The following PCDHA8 variants were observed in gnomAD, a reference collection of about 807,000 sequenced individuals.
PCDHA8 encodes protocadherin alpha 8, also known as protocadherin alpha-8.
A neutral mutation model predicts 61.8 loss-of-function variants in PCDHA8; 53 were observed. The observed-to-expected ratio is 0.86, with a 90% CI of 0.69 to 1.08. The LOEUF (loss-of-function observed/expected upper bound fraction) is 1.08. Ranked by LOEUF, PCDHA8 falls within the 50% of genes least tolerant of loss-of-function variation. PCDHA8 has a pLI of 0.00. For missense variants in PCDHA8, 1,293 were observed against 1,245.0 expected (o/e 1.04, Z -0.58); for synonymous variants, 618 against 556.6 (o/e 1.11, Z -1.55).
At chr5:140,938,187 C>T (rs1584944424) in intron 1 of PCDHA8, among the ~76,000 whole-genome samples, 1 of 152,158 alleles carries the variant, frequency 6.6e-6, no homozygotes, top group Admixed American at 6.5e-5. Context: ...CTCAAGCAAT[C>T]CTCCCACGCC....
intron 1 of PCDHA8, chr5:140,929,479 A>G (rs2086187931): frequency 4.2e-6 from 5 of 1,193,216 alleles, no homozygotes; most frequent in Admixed American, 3.2e-5. Context: ...CTGGAAGTAT[A>G]GAAGTATTAG....
intron 1 of PCDHA8, chr5:140,870,013 A>C: frequency 6.2e-7 from 1 of 1,613,716 alleles, no homozygotes; most frequent in Non-Finnish European, 8.5e-7. Context: ...AGTGAGGGTC[A>C]ATGGAACTTT....
At chr5:140,850,951 T>C in intron 1 of PCDHA8, 1 of 1,500,264 alleles carries the variant, frequency 6.7e-7, no homozygotes. Flanking sequence ...TATTATCGAT[T>C]ACTCCCAGGG....
intron 3 of PCDHA8, among the ~76,000 whole-genome samples, chr5:141,008,970 G>A (rs147776833): frequency 6.6e-6 from 1 of 152,236 alleles, no homozygotes; most frequent in East Asian, 1.9e-4. Flanking sequence ...TACATTTATA[G>A]CCAAAGTTTA....
At chr5:140,852,896 T>G (rs1554146161) in intron 1 of PCDHA8, 1 of 852,356 alleles carries the variant, frequency 1.2e-6, no homozygotes, top group African/African-American at 1.8e-5. Flanking sequence ...TTTTTTTTTT[T>G]GAGTCAGAGT....
intron 1 of PCDHA8, among the ~76,000 whole-genome samples, chr5:140,909,044 T>C (rs538559353): frequency 6.6e-6 from 1 of 152,336 alleles, no homozygotes; most frequent in South Asian, 2.1e-4. Context: ...TTCCATACTC[T>C]GGCATGCAAA....
chr5:141,001,360 A>G (rs1432580617), intron 3 of PCDHA8, among the ~76,000 whole-genome samples: 2 of 152,212 alleles, frequency 1.3e-5, no homozygotes, highest in Non-Finnish European at 2.9e-5. Flanking sequence ...GTTTAAGCCT[A>G]CTATTCTGAT....
rs149656802 is a variant in PCDHA8, at chr5:141,008,452, C to T, written c.2543-1175C>T. ...TTTGCCCAGACAGACCATTACCCTTCCTCTCCAGCTCTGACTTCTACTCTT... is the reference window on the plus strand; with the variant it reads ...TTTGCCCAGACAGACCATTACCCTTTCTCTCCAGCTCTGACTTCTACTCTT... On this transcript the variant is annotated intron_variant, in intron 3 of 3. Coordinates refer to ENST00000531613, the MANE Select transcript of PCDHA8 (RefSeq NM_018911.3). Among the ~76,000 whole-genome samples, 286 of 152,284 alleles carry T rather than the reference C, an allele frequency of 1.9e-3. 2 individuals carry two copies. Among genetic ancestry groups the T allele is most frequent in the African/African-American group, 6.5e-3 (272 of 41,548 alleles).
rs145919251 is a variant in PCDHA8, at chr5:140,979,502, C to T, written c.2453+495C>T. On this transcript the variant is annotated intron_variant, in intron 2 of 3. Coordinates refer to ENST00000531613, the MANE Select transcript of PCDHA8 (RefSeq NM_018911.3). Reference sequence around the variant, plus strand: ...GTGTTCACACCTATTAGAGCCTCCTCATCTTTCCCATCTGTTGCTATCTTA... The same window carrying T: ...GTGTTCACACCTATTAGAGCCTCCTTATCTTTCCCATCTGTTGCTATCTTA... 1.1e-3 allele frequency among the ~76,000 whole-genome samples: 170 copies of T among 152,258 alleles called. 4 individuals are homozygous for T. In the East Asian group the frequency reaches 0.028, roughly 25 times the overall value.
intron 1 of PCDHA8, chr5:140,876,854 C>CA (rs1554169042): frequency 6.2e-7 from 1 of 1,613,994 alleles, no homozygotes; most frequent in Non-Finnish European, 8.5e-7. Context: ...CCCGAGTACA[C>CA]AGTGTTCGTG....
At chr5:140,877,311 G>A (rs200978234) in intron 1 of PCDHA8, 2 of 1,613,852 alleles carry the variant, frequency 1.2e-6, no homozygotes, top group Admixed American at 3.3e-5. Flanking sequence ...AGTTGCAACC[G>A]GCGGCGGTCG....
chr5:140,976,505 C>A (rs538128648), intron 1 of PCDHA8, among the ~76,000 whole-genome samples: 1 of 152,004 alleles, frequency 6.6e-6, no homozygotes, highest in Non-Finnish European at 1.5e-5. Flanking sequence ...GAGCCAAGAT[C>A]GCGCCACTGC....
chr5:140,989,350 T>G (rs188962457), intron 3 of PCDHA8, among the ~76,000 whole-genome samples: 17 of 152,274 alleles, frequency 1.1e-4, no homozygotes, highest in African/African-American at 3.9e-4. Context: ...TCAAAGGTGA[T>G]AGGTCACCTG....
intron 3 of PCDHA8, among the ~76,000 whole-genome samples, chr5:140,989,839 A>G (rs2097362613): frequency 6.6e-6 from 1 of 152,166 alleles, no homozygotes; most frequent in Admixed American, 6.5e-5. Context: ...CCTGTCAATG[A>G]GTGTGTGGAC....
At position 140,876,601 on chromosome 5, in the gene PCDHA8, C is replaced by A. The variant is rs143847585; in HGVS notation, c.2394+32886C>A. The A allele has an allele frequency of 2.5e-4, 409 of 1,614,152 alleles. No individual in the cohort carries two copies. The highest frequency in any genetic ancestry group is 3.3e-4 in the Non-Finnish European group (387 of 1,180,034). ...CATTGCCCTGATTAGCGTGTCGGAT[C>A]GTGACTCTGGAGCCAATGGACAGGT... On this transcript the variant is annotated intron_variant, in intron 1 of 3. Coordinates refer to ENST00000531613, the MANE Select transcript of PCDHA8 (RefSeq NM_018911.3).
intron 1 of PCDHA8, among the ~76,000 whole-genome samples, chr5:140,907,434 A>G (rs782559641): frequency 2.5e-4 from 38 of 152,256 alleles, no homozygotes; most frequent in Non-Finnish European, 4.4e-4. Context: ...GCATTCTGTG[A>G]GTCCACAGAT....
chr5:140,902,676 C>T (rs781793838), intron 1 of PCDHA8, among the ~76,000 whole-genome samples: 7 of 152,040 alleles, frequency 4.6e-5, no homozygotes, highest in Non-Finnish European at 7.4e-5. Context: ...CAGTGTACAC[C>T]GTACCTAATA....
rs548394870 is a variant in PCDHA8 at position 140,927,042 on chromosome 5, G to A, written c.2395-51907G>A. ...ACTTGAGGCTGCCAGCGGCCGCTATGTCCTCGCGGAACTTTCGCTTCCTTT... is the reference window on the plus strand; with the variant it reads ...ACTTGAGGCTGCCAGCGGCCGCTATATCCTCGCGGAACTTTCGCTTCCTTT... On this transcript the variant is annotated intron_variant, in intron 1 of 3. Transcript: ENST00000531613. The A allele has an allele frequency of 1.4e-4, 226 of 1,612,386 alleles. 8 individuals are homozygous for A. The South Asian group carries it at 2.4e-3, about 17-fold the overall frequency.
At chr5:140,966,641 A>C in intron 1 of PCDHA8, 5 of 1,104,534 alleles carry the variant, frequency 4.5e-6, no homozygotes, top group Non-Finnish European at 6.0e-6. Flanking sequence ...GGCGCTTTCT[A>C]GAGCGTGAGC....
Sources: allele counts gnomAD v4.1 joint callset (sites outside exome capture counted in the v4.1 genomes callset), GRCh38; gene constraint gnomAD v4.1.1; transcripts MANE v1.5; gene names NCBI Gene and HGNC (gene_info 2026-07-23, HGNC 2026-07-21).